PARVA: variants seen among roughly 807,000 people sequenced by gnomAD.
The protein encoded by PARVA is parvin alpha.
A neutral mutation model predicts 52.6 loss-of-function variants in PARVA; 25 were observed. That is an observed-to-expected ratio of 0.48 (90% CI 0.35 to 0.66). PARVA has a LOEUF of 0.66. Ranked by LOEUF, PARVA falls within the 30% of genes least tolerant of loss-of-function variation. PARVA has a pLI of 0.01. For synonymous variants in PARVA, 185 were observed against 179.1 expected (o/e 1.03, Z -0.26); for missense variants, 373 against 450.9 (o/e 0.83, Z 1.56).
intron 6 of PARVA, among the ~76,000 whole-genome samples, chr11:12,506,884 A>G (rs1434952297): frequency 6.6e-6 from 1 of 152,166 alleles, no homozygotes; most frequent in Non-Finnish European, 1.5e-5. Flanking sequence ...TTTCCATTCT[A>G]TGCAGAAGCA....
chr11:12,483,016 C>T (rs1036038140), intron 4 of PARVA, among the ~76,000 whole-genome samples: 1 of 152,224 alleles, frequency 6.6e-6, no homozygotes, highest in African/African-American at 2.4e-5. Context: ...CAAGGACTGG[C>T]TGGGTGTTCT....
chr11:12,426,948 T>C (rs929315436), intron 1 of PARVA, among the ~76,000 whole-genome samples: 2 of 152,268 alleles, frequency 1.3e-5, no homozygotes, highest in Admixed American at 1.3e-4. Context: ...AAGGGAAATA[T>C]GTGTTGAAAT....
Position 12,377,697 on chromosome 11 carries a change from C to A in PARVA, c.50C>A (p.Pro17His). The change falls in exon 1 of 13, where the codon CCC becomes CAC. Residue 17 changes from proline to histidine, a missense_variant. Transcript: ENST00000334956. ...CCTTCTGTCCCCAAGTCTCCCACTC[C>A]CAAGTCGCCCCCGTCCCGCAAGAAA... is the stretch of plus-strand genomic sequence containing the variant. ...KSPSVPKSPT[P>H]KSPPSRKKDD... 1 of 1,567,134 alleles carries A rather than the reference C, an allele frequency of 6.4e-7. No homozygotes were observed. Among genetic ancestry groups the A allele is most frequent in the East Asian group, 2.6e-5 (1 of 38,486 alleles).
At chr11:12,492,937 T>C (rs1941250657) in intron 4 of PARVA, among the ~76,000 whole-genome samples, 1 of 152,152 alleles carries the variant, frequency 6.6e-6, no homozygotes, top group Non-Finnish European at 1.5e-5. Context: ...TATAATGCAA[T>C]ATGCAGTTTT....
chr11:12,496,591 T>G lies in PARVA; in HGVS notation c.534T>G (p.Asn178Lys). Residue 178 changes from asparagine (N) to lysine (K), a missense_variant, in exon 5 of 13, where the codon AAT (asparagine) becomes AAG (lysine). By Grantham distance (94) the Asn-to-Lys change is moderately conservative. Transcript: ENST00000334956. ...TTCCTCCCAGGAGCATCAAGTGGAA[T>G]GTGGATTGTGAGTTGAACAAAGGAA... ...LKLPPRSIKW[N>K]VDSVHAKSLV... 6.2e-7 allele frequency: 1 copy of G among 1,611,832 alleles called. No individual in the cohort carries two copies. Among genetic ancestry groups the G allele is most frequent in the Non-Finnish European group, 8.5e-7 (1 of 1,179,142 alleles).
intron 1 of PARVA, among the ~76,000 whole-genome samples, chr11:12,440,995 ATC>A (rs1312809179): frequency 1.3e-5 from 2 of 152,224 alleles, no homozygotes; most frequent in Admixed American, 1.3e-4. Flanking sequence ...AGCGCATGAT[ATC>A]TCATCACATT....
chr11:12,429,436 A>G (rs150729381), intron 1 of PARVA, among the ~76,000 whole-genome samples: 2 of 152,356 alleles, frequency 1.3e-5, no homozygotes, highest in East Asian at 3.9e-4. Flanking sequence ...ACAAATGCAT[A>G]TATAAGTTAA....
At chr11:12,447,101 A>G (rs1940558041) in intron 1 of PARVA, among the ~76,000 whole-genome samples, 1 of 152,230 alleles carries the variant, frequency 6.6e-6, no homozygotes, top group South Asian at 2.1e-4. Context: ...GTGTTACTCA[A>G]ACCCTGTAAT....
chr11:12,532,753 G>A lies in PARVA; in HGVS notation c.*4828G>A, dbSNP rs980932114. On this transcript the variant is annotated 3_prime_UTR_variant, in exon 13 of 13. Coordinates refer to ENST00000334956, the MANE Select transcript of PARVA (RefSeq NM_018222.5). ...AATGAGAAGCCTGCCACTCCAGGGCGCACCACGGAGGAGGATCCCCAGACA... is the reference window on the plus strand; with the variant it reads ...AATGAGAAGCCTGCCACTCCAGGGCACACCACGGAGGAGGATCCCCAGACA... Among the ~76,000 whole-genome samples the A allele has an allele frequency of 2.0e-5, 3 of 152,184 alleles. No homozygotes were observed. Among genetic ancestry groups the A allele is most frequent in the Non-Finnish European group, 4.4e-5 (3 of 68,038 alleles).
chr11:12,477,707 A>G, intron 3 of PARVA, 140 bp from the exon 4 acceptor site: 2 of 603,862 alleles, frequency 3.3e-6, no homozygotes, highest in African/African-American at 1.8e-5. Flanking sequence ...ACATAGTGAG[A>G]CCCCATCTCA....
chr11:12,467,971 C>A (rs1425178124), intron 1 of PARVA, among the ~76,000 whole-genome samples: 1 of 152,230 alleles, frequency 6.6e-6, no homozygotes. Context: ...AATCACTACT[C>A]CCTCAACACC....
At position 12,435,907 on chromosome 11, in the gene PARVA, T is replaced by C. The variant is rs527323405; in HGVS notation, c.137-37838T>C. ...ATCTCGGCTCACTGCAACCTCTGCT[T>C]CCCGGGTTCAAGTTTCCGGATTCAC... On this transcript the variant is annotated intron_variant, in intron 1 of 12. Coordinates refer to ENST00000334956, the MANE Select transcript of PARVA (RefSeq NM_018222.5). Among the ~76,000 whole-genome samples the C allele has an allele frequency of 4.5e-4, 68 of 152,254 alleles. 1 individual carries two copies. The highest frequency in any genetic ancestry group is 1.5e-3 in the African/African-American group (63 of 41,538).
chr11:12,501,722 C>A lies in PARVA; in HGVS notation c.542-2592C>A, dbSNP rs551647182. Reference sequence around the variant, plus strand: ...CACAGTAACATCTTTGTACACGTAGCGTAGTATGTATGTGTGTGAGACTAT... The same window carrying A: ...CACAGTAACATCTTTGTACACGTAGAGTAGTATGTATGTGTGTGAGACTAT... On this transcript the variant is annotated intron_variant, in intron 5 of 12. Coordinates refer to ENST00000334956, the MANE Select transcript of PARVA (RefSeq NM_018222.5). Among the ~76,000 whole-genome samples, 3 of 152,134 alleles carry A rather than the reference C, an allele frequency of 2.0e-5. No individual in the cohort carries two copies. The South Asian group carries it at 6.2e-4, about 32-fold the overall frequency.
In PARVA at chr11:12,528,064, G is replaced by A. The variant is rs916378564; in HGVS notation, c.*139G>A. The A allele has an allele frequency of 5.7e-6, 4 of 703,760 alleles. No individual in the cohort carries two copies. Among genetic ancestry groups the A allele is most frequent in the African/African-American group, 5.2e-5 (3 of 57,232 alleles). The allele number at this position is 703,760 out of a possible 1,614,324, so 43.6% of individuals were successfully genotyped here. A position where few individuals can be genotyped will look rare whatever the true frequency, so the allele number is the denominator to read the frequency against. ...AGTCCAGCTGCAACCCAGAGATAGTGGAAACTGAAATTAGGAAGGAAATCA... is the reference window on the plus strand; with the variant it reads ...AGTCCAGCTGCAACCCAGAGATAGTAGAAACTGAAATTAGGAAGGAAATCA... On this transcript the variant is annotated 3_prime_UTR_variant, in exon 13 of 13. Transcript: ENST00000334956.
At chr11:12,395,105 A>AAAAG (rs750046211) in intron 1 of PARVA, among the ~76,000 whole-genome samples, 5,543 of 148,946 alleles carry the variant, frequency 0.037, 391 homozygotes, top group African/African-American at 0.13. Flanking sequence ...AAAAAAAAAA[A>AAAAG]AAAGAAAGAA....
At chr11:12,458,932 T>C (rs981237318) in intron 1 of PARVA, among the ~76,000 whole-genome samples, 4 of 152,212 alleles carry the variant, frequency 2.6e-5, no homozygotes, top group African/African-American at 9.6e-5. Flanking sequence ...CTCACCTTTA[T>C]TGTCTCTTCT....
chr11:12,404,647 C>T (rs138481032), intron 1 of PARVA, among the ~76,000 whole-genome samples: 2 of 152,334 alleles, frequency 1.3e-5, no homozygotes, highest in East Asian at 3.9e-4. Context: ...GCTGCTGAGA[C>T]TGAAAGAAAG....
At chr11:12,487,874 T>C (rs1175026529) in intron 4 of PARVA, among the ~76,000 whole-genome samples, 1 of 152,188 alleles carries the variant, frequency 6.6e-6, no homozygotes, top group Admixed American at 6.5e-5. Context: ...GTAATAGTCA[T>C]AATAAACTGT....
chr11:12,444,118 C>T (rs1442345896), intron 1 of PARVA, among the ~76,000 whole-genome samples: 2 of 152,130 alleles, frequency 1.3e-5, no homozygotes, highest in Admixed American at 6.6e-5. Context: ...CATCCCTTTG[C>T]TCATGGTTTC....
Sources: gnomAD v4.1 joint callset for allele counts (sites outside exome capture counted in the v4.1 genomes callset) on GRCh38, gnomAD v4.1.1 for gene constraint, MANE v1.5 for transcripts, NCBI Gene and HGNC (gene_info 2026-07-23, HGNC 2026-07-21) for gene names.